Variants in SHTN1 observed in about 807,000 individuals in gnomAD.
SHTN1 encodes shootin 1, also known as shootin-1.
A neutral mutation model predicts 83.1 loss-of-function variants in SHTN1; 42 were observed. That is an observed-to-expected ratio of 0.51 (90% CI 0.39 to 0.65). The LOEUF is 0.65. Among genes scored for constraint, SHTN1 ranks in the 30% least tolerant of loss-of-function variants. SHTN1 has a pLI of 0.00. For missense variants in SHTN1, 622 were observed against 737.8 expected, an observed-to-expected ratio of 0.84 and a Z score of 1.82; for synonymous variants, 224 against 247.7, an observed-to-expected ratio of 0.90 and a Z score of 0.90.
intron 8 of SHTN1, among the ~76,000 whole-genome samples, chr10:116,943,881 C>T (rs537665386): frequency 1.4e-4 from 22 of 152,250 alleles, no homozygotes; most frequent in African/African-American, 5.1e-4. Context: ...CATTGCAGAC[C>T]AGCTTTTGAG....
At chr10:116,979,223 T>C (rs1178385728) in intron 2 of SHTN1, 33 bp downstream of exon 2, 1 of 1,589,212 alleles carries the variant, frequency 6.3e-7, no homozygotes, top group Admixed American at 1.7e-5. Context: ...TTTACACATG[T>C]AAGAAAGGGG....
intron 5 of SHTN1, among the ~76,000 whole-genome samples, chr10:116,952,333 CAAATT>C (rs1311154206): frequency 6.6e-6 from 1 of 152,076 alleles, no homozygotes; most frequent in Admixed American, 6.6e-5. Flanking sequence ...TTCAGCAAAA[CAAATT>C]AAGGTGTAGT....
intron 1 of SHTN1, among the ~76,000 whole-genome samples, chr10:117,101,824 T>C (rs1853598476): frequency 6.6e-6 from 1 of 152,224 alleles, no homozygotes; most frequent in African/African-American, 2.4e-5. Flanking sequence ...TGAATACTTT[T>C]GGACCACTTG....
In SHTN1 at chr10:116,901,790, A is replaced by G. The variant is rs781214422; in HGVS notation, c.1648T>C (p.Cys550Arg). 1 of 1,603,050 alleles carries G rather than the reference A, an allele frequency of 6.2e-7. No homozygotes were observed. The highest frequency in any genetic ancestry group is 1.4e-5 in the African/African-American group (1 of 73,886). The change falls in exon 16 of 17, where the codon TGC becomes CGC. Residue 550 changes from cysteine (C) to arginine (R), a missense_variant. This residue lies in a region of SHTN1 where 231 missense variants were observed against 251.6 expected (regional missense o/e 0.92). Transcript: ENST00000355371. Reference sequence around the variant, plus strand: ...TGAAACGTAACCTTGGAACTTGTGCATCCTTCCAATTTACGGGGCCCTTCA... The same window carrying G: ...TGAAACGTAACCTTGGAACTTGTGCGTCCTTCCAATTTACGGGGCCCTTCA... ...PGEGPRKLEG[C>R]TSSKVTFQPP...
At chr10:117,063,548 T>C (rs938454428) in intron 1 of SHTN1, among the ~76,000 whole-genome samples, 13 of 152,226 alleles carry the variant, frequency 8.5e-5, no homozygotes, top group African/African-American at 3.1e-4. Flanking sequence ...ATTCATTTTA[T>C]TGAAATTTCT....
At position 117,005,124 on chromosome 10, in the gene SHTN1, C is replaced by CG. The variant is rs1589891233; in HGVS notation, c.-46dup. 8.3e-6 allele frequency: 13 copies of CG among 1,568,162 alleles called. No homozygotes were observed. The highest frequency in any genetic ancestry group is 8.2e-5 in the South Asian group (7 of 85,562). ...AATAAAAGGGAAAGAGGGAGCGGCGCGGGGCACACAGGAGGAGGGGGAAGA... is the reference window on the plus strand; with the variant it reads ...AATAAAAGGGAAAGAGGGAGCGGCGCGGGGGCACACAGGAGGAGGGGGAAGA... On this transcript the variant is annotated 5_prime_UTR_variant, in exon 1 of 17. Transcript: ENST00000355371.
chr10:116,949,996 C>T (rs1849718033), intron 6 of SHTN1, among the ~76,000 whole-genome samples: 1 of 151,950 alleles, frequency 6.6e-6, no homozygotes. Flanking sequence ...TTGTAGTGAA[C>T]ATGTAAATAT....
intron 15 of SHTN1, 61 bp from the exon 16 acceptor site, chr10:116,902,018 C>T: frequency 7.2e-7 from 1 of 1,392,806 alleles, no homozygotes; most frequent in South Asian, 1.4e-5. Context: ...TAATATGGTA[C>T]TGAAAAACAG....
chr10:117,093,626 C>T (rs1213843185), intron 1 of SHTN1, among the ~76,000 whole-genome samples: 1 of 152,172 alleles, frequency 6.6e-6, no homozygotes, highest in South Asian at 2.1e-4. Context: ...ATCTACCCAA[C>T]CCCAAAGGCT....
upstream of SHTN1, among the ~76,000 whole-genome samples, chr10:117,009,267 A>G (rs901905426): frequency 2.0e-5 from 3 of 152,318 alleles, no homozygotes; most frequent in East Asian, 5.8e-4. Context: ...AAAGAGCTAT[A>G]AGACATATAG....
chr10:117,079,009 C>T (rs1853208872), intron 1 of SHTN1, among the ~76,000 whole-genome samples: 1 of 132,680 alleles, frequency 7.5e-6, no homozygotes. Context: ...ATTAGCTTGG[C>T]TAGAGATTTG....
intron 2 of SHTN1, among the ~76,000 whole-genome samples, chr10:116,976,328 CCTGCCCA>C (rs1850805767): frequency 6.6e-6 from 1 of 152,180 alleles, no homozygotes; most frequent in Non-Finnish European, 1.5e-5. Flanking sequence ...AGGAAAAGAT[CCTGCCCA>C]AAGGAATCAC....
chr10:116,927,830 AGGAGGAGGTGGT>A lies in SHTN1; in HGVS notation c.1062_1073del (p.Pro358_Pro361del). On this transcript the variant is annotated inframe_deletion, in exon 11 of 17. Transcript: ENST00000355371. ...GAGGTGGAGGGGGAAGTGGTGGTGG[AGGAGGAGGTGGT>A]GGAGGTACTGAATTCTCAGACTGGT... 1 of 1,606,024 alleles carries A rather than the reference AGGAGGAGGTGGT, an allele frequency of 6.2e-7. No individual in the cohort carries two copies. Among genetic ancestry groups the A allele is most frequent in the Non-Finnish European group, 8.5e-7 (1 of 1,176,422 alleles).
At chr10:117,089,504 T>G (rs572679371) in intron 1 of SHTN1, among the ~76,000 whole-genome samples, 9 of 152,150 alleles carry the variant, frequency 5.9e-5, no homozygotes, top group Non-Finnish European at 1.3e-4. Context: ...AAAGACAACA[T>G]AGAGCAAAAG....
At position 117,094,103 on chromosome 10, in the gene SHTN1, G is replaced by C. The variant is rs574055770; in HGVS notation, c.-189+32204C>G. On this transcript the variant is annotated intron_variant, in intron 1 of 17. Transcript: ENST00000392901. ...AAATCACAGAGTATCTCTCCTCCTG[G>C]GCACAACTCCGTTGCTCTGCCACTA... Among the ~76,000 whole-genome samples the C allele has an allele frequency of 8.5e-5, 13 of 152,210 alleles. No homozygotes were observed. The East Asian group carries it at 2.5e-3, about 29-fold the overall frequency.
At chr10:117,063,632 C>T (rs1190509974) in intron 1 of SHTN1, among the ~76,000 whole-genome samples, 1 of 152,104 alleles carries the variant, frequency 6.6e-6, no homozygotes, top group African/African-American at 2.4e-5. Flanking sequence ...AATGCAAAGC[C>T]CTTGGTGTGG....
At chr10:117,021,642 A>G (rs1002354686) in intron 2 of SHTN1, among the ~76,000 whole-genome samples, 1 of 152,226 alleles carries the variant, frequency 6.6e-6, no homozygotes, top group Admixed American at 6.5e-5. Context: ...CATGTACCTT[A>G]TGACATAGCA....
At chr10:117,093,667 T>TAC (rs1460148163) in intron 1 of SHTN1, among the ~76,000 whole-genome samples, 1 of 152,186 alleles carries the variant, frequency 6.6e-6, no homozygotes, top group East Asian at 1.9e-4. Context: ...AGGCTCTCTT[T>TAC]AGTCATAAGC....
chr10:117,042,672 G>A (rs985769269), intron 2 of SHTN1, among the ~76,000 whole-genome samples: 1 of 151,840 alleles, frequency 6.6e-6, no homozygotes, highest in African/African-American at 2.4e-5. Flanking sequence ...CTGGAGTGCA[G>A]TGGTGCAATC....
Sources: gnomAD v4.1 joint callset for allele counts (sites outside exome capture counted in the v4.1 genomes callset) on GRCh38, gnomAD v4.1.1 for gene constraint, gnomAD v4.1.1 regional missense constraint, MANE v1.5 for transcripts, NCBI Gene and HGNC (gene_info 2026-07-23, HGNC 2026-07-21) for gene names.